HTR4: variants seen among roughly 807,000 people sequenced by gnomAD.
HTR4 encodes the protein 5-hydroxytryptamine (serotonin) receptor 4, G protein-coupled.
In HTR4, 16 loss-of-function variants were observed where a neutral mutation model predicts 36.8. The ratio of observed to expected loss-of-function variants is 0.43; its 90% CI spans 0.29 to 0.66. HTR4 has a LOEUF of 0.66. Ranked by LOEUF, HTR4 falls within the 30% of genes least tolerant of loss-of-function variation. HTR4 has a pLI of 0.13. For missense variants in HTR4, 438 were observed against 490.9 expected (o/e 0.89, Z 1.02); for synonymous variants, 189 against 185.1 (o/e 1.02, Z -0.17).
downstream of HTR4, among the ~76,000 whole-genome samples, chr5:148,474,552 A>T (rs1755649343): frequency 2.6e-5 from 4 of 152,188 alleles, no homozygotes; most frequent in Admixed American, 6.5e-5. Context: ...AAAAGTACAG[A>T]TAATGTCTGC....
In HTR4 at chr5:148,523,290, C is replaced by G. The variant is rs201964147; in HGVS notation, c.410G>C (p.Arg137Pro). ...GCAGCCTCCCAGCATTAATGCGATG[C>G]GCAGAGGGGTCATCTTGTTCCTATA... is the stretch of plus-strand genomic sequence containing the variant. ...LVYRNKMTPL[R>P]IALMLGGCWV... Residue 137 changes from arginine (R) to proline (P), a missense_variant, in exon 5 of 7, where the codon CGC (arginine) becomes CCC (proline). Transcript: ENST00000377888. 1 of 1,612,936 alleles carries G rather than the reference C, an allele frequency of 6.2e-7. No homozygotes were observed. The highest frequency in any genetic ancestry group is 2.2e-5 in the East Asian group (1 of 44,790).
chr5:148,523,677 AC>A (rs1758131729), intron 4 of HTR4, among the ~76,000 whole-genome samples: 1 of 152,140 alleles, frequency 6.6e-6, no homozygotes, highest in Non-Finnish European at 1.5e-5. Context: ...ATTAATATAT[AC>A]TTTGGATCAC....
intron 1 of HTR4, among the ~76,000 whole-genome samples, chr5:148,653,824 A>G (rs1754111100): frequency 1.3e-5 from 2 of 152,114 alleles, no homozygotes; most frequent in African/African-American, 4.8e-5. Context: ...TACATACACA[A>G]GTGGAAAGCA....
chr5:148,569,886 T>C (rs150413388), intron 2 of HTR4, among the ~76,000 whole-genome samples: 196 of 152,220 alleles, frequency 1.3e-3, no homozygotes, highest in African/African-American at 4.5e-3. Context: ...GGGAGACTTC[T>C]TCATTCAGAA....
At chr5:148,615,098 CA>C (rs1426028280) in intron 2 of HTR4, among the ~76,000 whole-genome samples, 1 of 151,110 alleles carries the variant, frequency 6.6e-6, no homozygotes, top group Non-Finnish European at 1.5e-5. Context: ...TAAACTAGTT[CA>C]ACCATTGTGG....
At chr5:148,494,473 C>T (rs1172743223) in intron 6 of HTR4, among the ~76,000 whole-genome samples, 1 of 152,188 alleles carries the variant, frequency 6.6e-6, no homozygotes, top group African/African-American at 2.4e-5. Flanking sequence ...ATTCTCTTTG[C>T]CTCTTACTCA....
chr5:148,628,475 C>T (rs921667661), intron 2 of HTR4: 1 of 152,120 alleles, frequency 6.6e-6, no homozygotes, highest in Admixed American at 6.5e-5. Flanking sequence ...CTTTTATTGT[C>T]GAAATCCATT....
At chr5:148,556,511 T>C (rs1442628331) in intron 2 of HTR4, among the ~76,000 whole-genome samples, 1 of 152,236 alleles carries the variant, frequency 6.6e-6, no homozygotes, top group African/African-American at 2.4e-5. Context: ...TGCTGAGTAC[T>C]AGATTCAATA....
chr5:148,613,953 A>G (rs1752552072), intron 2 of HTR4, among the ~76,000 whole-genome samples: 1 of 152,014 alleles, frequency 6.6e-6, no homozygotes, highest in South Asian at 2.1e-4. Context: ...AGAATAAAAT[A>G]CCTAGGAATC....
intron 6 of HTR4, among the ~76,000 whole-genome samples, chr5:148,507,058 TA>T (rs1554089699): frequency 6.6e-6 from 1 of 152,114 alleles, no homozygotes; most frequent in Non-Finnish European, 1.5e-5. Context: ...CATGCTGCTA[TA>T]AAGACACATG....
intron 5 of HTR4, among the ~76,000 whole-genome samples, chr5:148,455,323 T>C (rs1236691831): frequency 1.3e-5 from 2 of 152,116 alleles, no homozygotes; most frequent in African/African-American, 4.8e-5. Flanking sequence ...TGACACCTTC[T>C]CCTACACTGA....
chr5:148,611,679 A>G (rs1055483719), intron 2 of HTR4, among the ~76,000 whole-genome samples: 4 of 151,286 alleles, frequency 2.6e-5, no homozygotes, highest in Non-Finnish European at 4.4e-5. Flanking sequence ...ACATAACACT[A>G]TTAACTTTAA....
rs1027020276 is a variant in HTR4, at chr5:148,582,011, T to C, written c.27-31749A>G. On this transcript the variant is annotated intron_variant, in intron 2 of 6. Coordinates refer to ENST00000377888, the MANE Select transcript of HTR4 (RefSeq NM_000870.7). ...TATCTAATTTCTTTCATCAGTATTTTATAATTTTAAGCATTCAAATGAGTC... is the reference window on the plus strand; with the variant it reads ...TATCTAATTTCTTTCATCAGTATTTCATAATTTTAAGCATTCAAATGAGTC... Among the ~76,000 whole-genome samples the C allele has an allele frequency of 7.2e-5, 11 of 152,208 alleles. No homozygotes were observed. The South Asian group carries it at 2.1e-3, about 29-fold the overall frequency.
At chr5:148,644,852 C>T (rs1315327938) in intron 1 of HTR4, 1 of 152,112 alleles carries the variant, frequency 6.6e-6, no homozygotes, top group Non-Finnish European at 1.5e-5. Context: ...TCAGGTCCAT[C>T]ATTGGAAGTC....
At chr5:148,608,601 G>A (rs908091584) in intron 2 of HTR4, among the ~76,000 whole-genome samples, 1 of 152,198 alleles carries the variant, frequency 6.6e-6, no homozygotes, top group African/African-American at 2.4e-5. Context: ...AAAAAGTCTG[G>A]ATTTTAATCA....
At chr5:148,488,668 G>T (rs1039192361) in intron 6 of HTR4, among the ~76,000 whole-genome samples, 3 of 152,114 alleles carry the variant, frequency 2.0e-5, no homozygotes, top group African/African-American at 4.8e-5. Context: ...AAACTAAATT[G>T]CAGAAAGCAT....
At chr5:148,621,177 A>T (rs1001504755) in intron 2 of HTR4, among the ~76,000 whole-genome samples, 3 of 152,212 alleles carry the variant, frequency 2.0e-5, no homozygotes, top group Non-Finnish European at 4.4e-5. Context: ...AAGAATATTT[A>T]ACTTCATGTC....
chr5:148,628,138 A>G (rs1581566548), intron 2 of HTR4, among the ~76,000 whole-genome samples: 3 of 152,342 alleles, frequency 2.0e-5, no homozygotes, highest in Admixed American at 2.0e-4. Context: ...CATATCTGCT[A>G]GGCCTTCAGT....
intron 5 of HTR4, among the ~76,000 whole-genome samples, chr5:148,521,372 C>G (rs995080716): frequency 7.2e-5 from 11 of 152,198 alleles, no homozygotes; most frequent in African/African-American, 2.6e-4. Flanking sequence ...GACTGCCTTT[C>G]CCAATGCAGG....
Sources: gnomAD v4.1 joint callset for allele counts (sites outside exome capture counted in the v4.1 genomes callset) on GRCh38, gnomAD v4.1.1 for gene constraint, MANE v1.5 for transcripts, NCBI Gene and HGNC (gene_info 2026-07-23, HGNC 2026-07-21) for gene names.